The following FRAS1 variants were observed in gnomAD, a reference collection of about 807,000 sequenced individuals.
The protein encoded by FRAS1 is extracellular matrix organizing protein FRAS1.
FRAS1 carries 290 observed loss-of-function variants against 435.2 expected under a neutral mutation model. The ratio of observed to expected loss-of-function variants is 0.67; its 90% CI spans 0.61 to 0.73. The LOEUF (loss-of-function observed/expected upper bound fraction) is 0.73. Ranked by LOEUF, FRAS1 falls within the 30% of genes least tolerant of loss-of-function variation. FRAS1 has a pLI of 0.00. For synonymous variants in FRAS1, 1,800 were observed against 1,851.0 expected (o/e 0.97, Z 0.71); for missense variants, 4,860 against 5,001.5 (o/e 0.97, Z 0.85).
chr4:78,187,440 T>C (rs531811049), intron 2 of FRAS1, among the ~76,000 whole-genome samples: 2 of 152,146 alleles, frequency 1.3e-5, no homozygotes, highest in Non-Finnish European at 2.9e-5. Flanking sequence ...TTTGTCCCCA[T>C]AGTTGGCAGC....
At chr4:78,275,276 A>G (rs1188498442) in intron 9 of FRAS1, among the ~76,000 whole-genome samples, 1 of 152,150 alleles carries the variant, frequency 6.6e-6, no homozygotes, top group Admixed American at 6.5e-5. Context: ...CCAGTTTGCC[A>G]GTCTGTGTTT....
chr4:78,421,766 G>A (rs1032639332), intron 33 of FRAS1, 97 bp from the exon 34 acceptor site: 2 of 1,366,430 alleles, frequency 1.5e-6, no homozygotes, highest in African/African-American at 2.9e-5. Context: ...AAGAATGTCA[G>A]ACTCCCACCA....
chr4:78,122,520 T>A (rs991222887), intron 2 of FRAS1, among the ~76,000 whole-genome samples: 5 of 152,216 alleles, frequency 3.3e-5, no homozygotes, highest in Non-Finnish European at 7.3e-5. Context: ...TCAAATGGTA[T>A]TTCTAGTTCT....
intron 2 of FRAS1, among the ~76,000 whole-genome samples, chr4:78,115,866 T>C (rs993387249): frequency 1.3e-5 from 2 of 152,202 alleles, no homozygotes; most frequent in African/African-American, 4.8e-5. Flanking sequence ...TTTTGCCTTC[T>C]GCTAGCTTTT....
intron 50 of FRAS1, among the ~76,000 whole-genome samples, chr4:78,467,966 G>C (rs531020773): frequency 3.3e-5 from 5 of 152,068 alleles, no homozygotes; most frequent in African/African-American, 1.2e-4. Flanking sequence ...AATATATTCT[G>C]CTTATTAATC....
chr4:78,132,873 G>C (rs1427020613), intron 2 of FRAS1, among the ~76,000 whole-genome samples: 1 of 152,116 alleles, frequency 6.6e-6, no homozygotes, highest in Non-Finnish European at 1.5e-5. Context: ...TGGAAGGAAT[G>C]GTTCTGCGTG....
chr4:78,105,947 G>A lies in FRAS1; in HGVS notation c.108+39931G>A, dbSNP rs1274923451. The stretch of plus-strand genomic sequence containing the variant: ...ATTGCCCCACTTGGGAAGCGCAAGG[G>A]GTCAGGGAGTTCCCTTTCCGAGTCA... On this transcript the variant is annotated intron_variant, in intron 2 of 73. Transcript: ENST00000512123. Among the ~76,000 whole-genome samples the A allele has an allele frequency of 2.2e-5, 3 of 135,398 alleles. 1 individual carries two copies. The highest frequency in any genetic ancestry group is 1.5e-4 in the Admixed American group (2 of 13,078). The allele number at this position is 135,398 out of a possible 152,430, so 88.8% of individuals were successfully genotyped here. A position where few individuals can be genotyped will look rare whatever the true frequency, so the allele number is the denominator to read the frequency against.
chr4:78,383,975 C>T (rs1732120857), intron 27 of FRAS1, 84 bp from the exon 28 acceptor site: 3 of 1,002,298 alleles, frequency 3.0e-6, no homozygotes, highest in African/African-American at 3.3e-5. Context: ...CTACACATAA[C>T]CTGAAAATGT....
Position 78,520,711 on chromosome 4 carries a change from G to A in FRAS1, c.10541-812G>A, listed in dbSNP as rs1340802745. 2.0e-5 allele frequency among the ~76,000 whole-genome samples: 3 copies of A among 152,154 alleles called. No homozygotes were observed. In the East Asian group the frequency reaches 5.8e-4, roughly 29 times the overall value. ...AAAAATCTATATGTTTAGTGCAGAT[G>A]CATTTTTATTCTTATATTTTCTATT... On this transcript the variant is annotated intron_variant, in intron 67 of 73. Coordinates refer to ENST00000512123, the MANE Select transcript of FRAS1 (RefSeq NM_025074.7).
At chr4:78,250,975 T>A (rs1452715763) in intron 4 of FRAS1, among the ~76,000 whole-genome samples, 1 of 152,208 alleles carries the variant, frequency 6.6e-6, no homozygotes, top group African/African-American at 2.4e-5. Context: ...TTAGTTCTAA[T>A]TAATATAATC....
rs957414375 is a variant in FRAS1, at chr4:78,341,618, A to G, written c.2422+3801A>G. Among the ~76,000 whole-genome samples, 17 of 152,268 alleles carry G rather than the reference A, an allele frequency of 1.1e-4. 1 individual carries two copies. Among genetic ancestry groups the G allele is most frequent in the African/African-American group, 3.9e-4 (16 of 41,548 alleles). Reference sequence around the variant, plus strand: ...AAAATGGTCTGAGTGGCAATTTCATATGATTTAACATAATAGAAGCAACAG... The same window carrying G: ...AAAATGGTCTGAGTGGCAATTTCATGTGATTTAACATAATAGAAGCAACAG... On this transcript the variant is annotated intron_variant, in intron 20 of 73. Coordinates refer to ENST00000512123, the MANE Select transcript of FRAS1 (RefSeq NM_025074.7).
intron 59 of FRAS1, among the ~76,000 whole-genome samples, chr4:78,493,296 A>G (rs997485906): frequency 2.0e-5 from 3 of 152,368 alleles, no homozygotes; most frequent in Middle Eastern, 3.4e-3. Flanking sequence ...TAGCAATCCC[A>G]TTACTGGGTA....
intron 2 of FRAS1, among the ~76,000 whole-genome samples, chr4:78,137,452 T>C (rs1346660428): frequency 6.6e-6 from 1 of 152,262 alleles, no homozygotes; most frequent in Non-Finnish European, 1.5e-5. Flanking sequence ...ATCACTTTTC[T>C]GTTGAAGATT....
At chr4:78,141,219 C>A (rs1720169016) in intron 2 of FRAS1, among the ~76,000 whole-genome samples, 1 of 152,106 alleles carries the variant, frequency 6.6e-6, no homozygotes, top group Admixed American at 6.6e-5. Flanking sequence ...TGACAGGCGC[C>A]AGTGTGTGAT....
At chr4:78,316,724 T>C (rs1185349708) in intron 16 of FRAS1, among the ~76,000 whole-genome samples, 1 of 152,186 alleles carries the variant, frequency 6.6e-6, no homozygotes, top group Non-Finnish European at 1.5e-5. Context: ...GTGGTCAGAG[T>C]CATTACTGTA....
chr4:78,464,710 G>A (rs1719475438), intron 49 of FRAS1, 127 bp downstream of exon 49: 8 of 968,838 alleles, frequency 8.3e-6, no homozygotes, highest in Admixed American at 5.9e-5. Context: ...CATCCTTGAA[G>A]GATTAAAATA....
chr4:78,119,842 G>C (rs1718909684), intron 2 of FRAS1, among the ~76,000 whole-genome samples: 1 of 152,146 alleles, frequency 6.6e-6, no homozygotes, highest in Non-Finnish European at 1.5e-5. Flanking sequence ...CTCCACTTTG[G>C]AGAACATTAC....
chr4:78,430,897 T>A (rs1734194430), intron 37 of FRAS1, among the ~76,000 whole-genome samples: 1 of 152,222 alleles, frequency 6.6e-6, no homozygotes. Context: ...AACAGTGTGG[T>A]AATGTGATCG....
intron 2 of FRAS1, among the ~76,000 whole-genome samples, chr4:78,096,977 C>G (rs1480887360): frequency 6.6e-6 from 1 of 152,162 alleles, no homozygotes. Flanking sequence ...ATTTTCTGAA[C>G]TTTTATGCTC....
Sources: gnomAD v4.1 joint callset for allele counts (sites outside exome capture counted in the v4.1 genomes callset) on GRCh38, gnomAD v4.1.1 for gene constraint, MANE v1.5 for transcripts, NCBI Gene and HGNC (gene_info 2026-07-23, HGNC 2026-07-21) for gene names.